Variants in CSMD1 observed in about 807,000 individuals in gnomAD.
CSMD1 encodes CUB and Sushi multiple domains 1, also known as CUB and sushi domain-containing protein 1.
CSMD1 carries 213 observed loss-of-function variants against 417.5 expected under a neutral mutation model. That is an observed-to-expected ratio of 0.51 (90% confidence interval 0.46 to 0.57). The LOEUF is 0.57. Ranked by LOEUF, CSMD1 falls within the 20% of genes least tolerant of loss-of-function variation. The pLI, the probability that CSMD1 is intolerant of heterozygous loss-of-function variation, is 0.00. For missense variants in CSMD1, 6,923 were observed against 4,529.7 expected, an observed-to-expected ratio of 1.53 and a Z score of -15.17; for synonymous variants, 2,862 against 1,736.8, an observed-to-expected ratio of 1.65 and a Z score of -16.11.
At chr8:4,843,454 CA>C (rs923083983) in intron 1 of CSMD1, among the ~76,000 whole-genome samples, 18 of 152,076 alleles carry the variant, frequency 1.2e-4, no homozygotes, top group African/African-American at 3.6e-4. Flanking sequence ...ACAACAACAA[CA>C]AAACCGAGAG....
intron 2 of CSMD1, among the ~76,000 whole-genome samples, chr8:4,620,093 C>G (rs1281420023): frequency 6.6e-6 from 1 of 151,734 alleles, no homozygotes; most frequent in Non-Finnish European, 1.5e-5. Context: ...ATAATACTCA[C>G]ATTAATTAAT....
At chr8:3,213,446 G>A (rs1797723777) in intron 30 of CSMD1, among the ~76,000 whole-genome samples, 1 of 152,144 alleles carries the variant, frequency 6.6e-6, no homozygotes, top group South Asian at 2.1e-4. Context: ...CAGCCAGGAA[G>A]TCTACCCTCC....
At chr8:4,316,054 T>C (rs909430068) in intron 3 of CSMD1, among the ~76,000 whole-genome samples, 1 of 152,158 alleles carries the variant, frequency 6.6e-6, no homozygotes, top group African/African-American at 2.4e-5. Context: ...CTGAGAAATA[T>C]ATGAATCCTT....
chr8:3,014,374 AGTCAATTTATG>A (rs1284622092), intron 52 of CSMD1, among the ~76,000 whole-genome samples: 1 of 152,206 alleles, frequency 6.6e-6, no homozygotes, highest in African/African-American at 2.4e-5. Context: ...TATATCATCA[AGTCAATTTATG>A]GTTTTTGATA....
intron 3 of CSMD1, among the ~76,000 whole-genome samples, chr8:4,166,426 C>T (rs915819540): frequency 6.6e-6 from 1 of 152,056 alleles, no homozygotes; most frequent in Admixed American, 6.5e-5. Context: ...ACAATAATAG[C>T]CATAACATAG....
chr8:3,691,278 G>T (rs896979506), intron 7 of CSMD1, among the ~76,000 whole-genome samples: 4 of 151,912 alleles, frequency 2.6e-5, no homozygotes, highest in African/African-American at 9.7e-5. Flanking sequence ...TGAAGCAGGA[G>T]ATCACTTGAC....
At chr8:4,457,654 A>T (rs919766692) in intron 2 of CSMD1, among the ~76,000 whole-genome samples, 4 of 152,180 alleles carry the variant, frequency 2.6e-5, no homozygotes, top group Admixed American at 2.0e-4. Context: ...AAATAGCATG[A>T]TGTTAAGCTC....
chr8:4,645,961 A>G (rs1029828055), intron 1 of CSMD1, among the ~76,000 whole-genome samples: 1 of 152,212 alleles, frequency 6.6e-6, no homozygotes, highest in Non-Finnish European at 1.5e-5. Flanking sequence ...AAAGTCGGTT[A>G]TATTCCTCAG....
intron 7 of CSMD1, among the ~76,000 whole-genome samples, chr8:3,664,455 T>C (rs1265218000): frequency 6.6e-6 from 1 of 152,192 alleles, no homozygotes; most frequent in African/African-American, 2.4e-5. Flanking sequence ...TGGAAATTGC[T>C]CAGAAAGCAT....
At chr8:2,946,880 C>T (rs1446730463) in intron 68 of CSMD1, among the ~76,000 whole-genome samples, 1 of 152,162 alleles carries the variant, frequency 6.6e-6, no homozygotes, top group Non-Finnish European at 1.5e-5. Flanking sequence ...CGCCTCCTTG[C>T]CACCCTTTGC....
chr8:4,844,415 C>T (rs1235554317), intron 1 of CSMD1, among the ~76,000 whole-genome samples: 1 of 152,168 alleles, frequency 6.6e-6, no homozygotes, highest in African/African-American at 2.4e-5. Flanking sequence ...GATGCTACAG[C>T]TTTCACCCAC....
intron 2 of CSMD1, among the ~76,000 whole-genome samples, chr8:4,579,521 C>G (rs974991114): frequency 2.0e-5 from 3 of 151,948 alleles, no homozygotes; most frequent in Non-Finnish European, 4.4e-5. Context: ...CGCCACCACG[C>G]CCAGCTAATT....
chr8:3,469,109 G>T, intron 11 of CSMD1: 1 of 269,174 alleles, frequency 3.7e-6, no homozygotes, highest in Non-Finnish European at 7.1e-6. Context: ...GGAACCGAGA[G>T]GCTTCCCCAG....
intron 7 of CSMD1, among the ~76,000 whole-genome samples, chr8:3,652,568 G>C (rs2469396): frequency 0.47 from 71,286 of 152,110 alleles, 17,587 homozygotes; most frequent in Non-Finnish European, 0.56. Flanking sequence ...GAATGCAAAG[G>C]AGAAGCAAAG....
chr8:3,099,012 G>A (rs1046913132), intron 46 of CSMD1, among the ~76,000 whole-genome samples: 1 of 151,604 alleles, frequency 6.6e-6, no homozygotes, highest in Non-Finnish European at 1.5e-5. Context: ...AAGCTTCTCG[G>A]TACTGCCGAC....
rs114762051 is a variant in CSMD1 at position 3,986,312 on chromosome 8, T to C, written c.818+11591A>G. Among the ~76,000 whole-genome samples, 959 of 152,222 alleles carry C rather than the reference T, an allele frequency of 6.3e-3. 16 individuals are homozygous for C. The highest frequency in any genetic ancestry group is 0.022 in the African/African-American group (925 of 41,540). On this transcript the variant is annotated intron_variant, in intron 5 of 69. Transcript: ENST00000635120. ...CTTCCCTATGTTTCTAAAAGCTCAGTGAAAACCCTTCTAGGGTGTTCATTG... is the reference window on the plus strand; with the variant it reads ...CTTCCCTATGTTTCTAAAAGCTCAGCGAAAACCCTTCTAGGGTGTTCATTG...
chr8:3,529,554 A>C (rs1044675566), intron 10 of CSMD1, among the ~76,000 whole-genome samples: 19 of 152,348 alleles, frequency 1.2e-4, no homozygotes, highest in African/African-American at 3.6e-4. Flanking sequence ...TACCTTTTCC[A>C]AGACCACACA....
At chr8:4,313,151 G>T (rs924787822) in intron 3 of CSMD1, among the ~76,000 whole-genome samples, 3 of 152,040 alleles carry the variant, frequency 2.0e-5, no homozygotes, top group Non-Finnish European at 1.5e-5. Flanking sequence ...AGCTGGAACT[G>T]GTCTTTAATT....
At chr8:4,150,071 G>T (rs149690363) in intron 3 of CSMD1, among the ~76,000 whole-genome samples, 1 of 152,188 alleles carries the variant, frequency 6.6e-6, no homozygotes, top group African/African-American at 2.4e-5. Flanking sequence ...AGAAGTTAAT[G>T]TAAGTAAAAT....
Sources: gnomAD v4.1 joint callset for allele counts (sites outside exome capture counted in the v4.1 genomes callset) on GRCh38, gnomAD v4.1.1 for gene constraint, MANE v1.5 for transcripts, NCBI Gene and HGNC (gene_info 2026-07-23, HGNC 2026-07-21) for gene names.